The following PLEC variants were observed in gnomAD, a reference collection of about 807,000 sequenced individuals.
PLEC encodes the protein plectin.
Under a neutral mutation model 392.8 loss-of-function variants are expected in PLEC, and 216 were observed. The observed-to-expected ratio is 0.55, with a 90% CI of 0.49 to 0.62. PLEC has a LOEUF of 0.62. Ranked by LOEUF, PLEC falls within the 20% of genes least tolerant of loss-of-function variation. The pLI, the probability that PLEC is intolerant of heterozygous loss-of-function variation, is 0.00. For missense variants in PLEC, 6,863 were observed against 6,563.4 expected (o/e 1.05, Z -1.58); for synonymous variants, 3,621 against 2,980.6 (o/e 1.21, Z -7.00).
At chr8:143,972,615 C>T (rs1439452744) in intron 1 of PLEC, among the ~76,000 whole-genome samples, 2 of 152,290 alleles carry the variant, frequency 1.3e-5, no homozygotes, top group African/African-American at 2.4e-5. Context: ...GCCCCCACCG[C>T]GACCCTCCCC....
chr8:143,942,486 C>T (rs782222655), upstream of PLEC: 12 of 1,592,508 alleles, frequency 7.5e-6, no homozygotes, highest in Non-Finnish European at 1.0e-5. Flanking sequence ...CCTCCCTCGG[C>T]GAGGCAAAGG....
Position 143,931,975 on chromosome 8 carries a change from T to C in PLEC, c.2140A>G (p.Ile714Val), listed in dbSNP as rs189137260. 3.4e-4 allele frequency: 549 copies of C among 1,608,022 alleles called. 4 individuals are homozygous for C. In the East Asian group the frequency reaches 0.01, roughly 30 times the overall value. The change falls in exon 18 of 32, where the codon ATC (isoleucine) becomes GTC (valine). Residue 714 changes from isoleucine to valine, a missense_variant. Transcript: ENST00000345136. ...GCGTTCTCCTTCAGGTGTGCCTCGA[T>C]ACAGCAGCACAGCTGTAGCATCCAG... ...WSWMLQLCCC[I>V]EAHLKENAAY... is the part of the protein sequence containing the mutation.
chr8:143,927,734 G>A lies in PLEC; in HGVS notation c.3432C>T (p.Pro1144=). The A allele has an allele frequency of 6.3e-7, 1 of 1,597,186 alleles. No homozygotes were observed. Among genetic ancestry groups the A allele is most frequent in the Non-Finnish European group, 8.5e-7 (1 of 1,171,278 alleles). The change falls in exon 27 of 32, where the codon CCC becomes CCT. Residue 1144 remains proline, a synonymous_variant. Coordinates refer to ENST00000345136, the MANE Select transcript of PLEC (RefSeq NM_201384.3). ...GCTCATCCCGCAGGGCGTCGAACGT[G>A]GGCTGCTGTGCCTCGGCCTGGGCCC... is the stretch of plus-strand genomic sequence containing the variant. ...KLRAQAEAQQ[P]TFDALRDELR...
chr8:143,929,499 C>T lies in PLEC; in HGVS notation c.2996G>A (p.Cys999Tyr), dbSNP rs200086907. The change falls in exon 24 of 32, where the codon TGT becomes TAT. Residue 999 changes from cysteine (C) to tyrosine (Y), a missense_variant. Coordinates refer to ENST00000345136, the MANE Select transcript of PLEC (RefSeq NM_201384.3). ...CAGGCGGTGCACGGTGCGCGTCTCA[C>T]AGGCCTCCAGCTGCAGCCGGATGTC... Reference protein sequence around the residue: ...LKDIRLQLEACETRTVHRLRL... With the variant: ...LKDIRLQLEAYETRTVHRLRL... 81 of 1,611,696 alleles carry T rather than the reference C, an allele frequency of 5.0e-5. No individual in the cohort carries two copies. Among genetic ancestry groups the T allele is most frequent in the Admixed American group, 1.5e-4 (9 of 59,956 alleles).
chr8:143,939,286 G>A (rs1829928015), intron 1 of PLEC, 64 bp downstream of exon 1: 1 of 1,560,556 alleles, frequency 6.4e-7, no homozygotes, highest in African/African-American at 1.4e-5. Flanking sequence ...GCCACAGGAA[G>A]TGGGCCTTCC....
At chr8:143,946,760 C>T (rs1210594770) in intron 1 of PLEC, among the ~76,000 whole-genome samples, 1 of 135,824 alleles carries the variant, frequency 7.4e-6, no homozygotes, top group Non-Finnish European at 1.6e-5. Flanking sequence ...TGCCCTCCCA[C>T]CCTCCCACCC....
At chr8:143,971,101 G>A (rs1265870507) in intron 1 of PLEC, among the ~76,000 whole-genome samples, 1 of 152,220 alleles carries the variant, frequency 6.6e-6, no homozygotes, top group Non-Finnish European at 1.5e-5. Flanking sequence ...GGGATTTCCA[G>A]GGGAGAGCCA....
Position 143,917,388 on chromosome 8 carries a change from C to T in PLEC, c.12433G>A (p.Asp4145Asn), listed in dbSNP as rs782488790. The T allele has an allele frequency of 6.2e-7, 1 of 1,611,970 alleles. No homozygotes were observed. The highest frequency in any genetic ancestry group is 2.2e-5 in the East Asian group (1 of 44,872). ...GACATCTCCTTGCCCGTCTCGGGGT[C>T]CACGATGACCACTCGGCGCTTGCGC... ...SVRKRRVVIVDPETGKEMSVY... is the reference protein window; with the variant it reads ...SVRKRRVVIVNPETGKEMSVY... Residue 4145 changes from aspartate (D) to asparagine (N), a missense_variant, in exon 32 of 32, where the codon GAC becomes AAC. By Grantham distance (23) the Asp-to-Asn change is conservative. Coordinates refer to ENST00000345136, the MANE Select transcript of PLEC (RefSeq NM_201384.3).
At position 143,921,672 on chromosome 8, in the gene PLEC, G is replaced by T. The variant is rs1554686620; in HGVS notation, c.8149C>A (p.Gln2717Lys). ...NEKLSVYAAL[Q>K]RQLLSPGTAL... The stretch of plus-strand genomic sequence containing the variant: ...GTGCCGGGACTCAGCAGCTGCCTCT[G>T]CAGGGCGGCGTAAACACTCAGCTTC... Residue 2717 changes from glutamine (Q) to lysine (K), a missense_variant, in exon 32 of 32, where the codon CAG becomes AAG. Physicochemically the swap from Gln to Lys is moderately conservative, Grantham distance 53. Coordinates refer to ENST00000345136, the MANE Select transcript of PLEC (RefSeq NM_201384.3). 1 of 1,613,184 alleles carries T rather than the reference G, an allele frequency of 6.2e-7. No individual in the cohort carries two copies. The highest frequency in any genetic ancestry group is 2.2e-5 in the East Asian group (1 of 44,882).
chr8:143,923,651 G>A lies in PLEC; in HGVS notation c.6278C>T (p.Ala2093Val), dbSNP rs782190474. The A allele has an allele frequency of 1.4e-4, 214 of 1,570,380 alleles. No homozygotes were observed. Among genetic ancestry groups the A allele is most frequent in the Non-Finnish European group, 1.6e-4 (186 of 1,165,838 alleles). The change falls in exon 31 of 32, where the codon GCG becomes GTG. Residue 2093 changes from alanine to valine, a missense_variant. Transcript: ENST00000345136. ...CTCCGCCTGCACCCGGGCCTCCTCC[G>A]CCTCCTCAGCCGCCCGCCGGGCCGC... ...AEAARRAAEE[A>V]EEARVQAERE...
upstream of PLEC, among the ~76,000 whole-genome samples, chr8:143,976,433 A>C (rs1046250245): frequency 5.3e-5 from 8 of 151,748 alleles, no homozygotes; most frequent in East Asian, 1.6e-3. Context: ...TGGCTTCTCC[A>C]CGGGCCGCCC....
At chr8:143,953,194 C>A (rs1259257427), upstream of PLEC, among the ~76,000 whole-genome samples, 4 of 151,122 alleles carry the variant, frequency 2.6e-5, no homozygotes, top group African/African-American at 7.3e-5. Context: ...CTTCTCCCCC[C>A]ACTCCAGACC....
At chr8:143,954,663 G>T (rs535594846), upstream of PLEC, among the ~76,000 whole-genome samples, 1 of 152,208 alleles carries the variant, frequency 6.6e-6, no homozygotes, top group Non-Finnish European at 1.5e-5. This position sits in a 1 kb window ranked among gnomAD's most constrained non-coding sequence, Gnocchi z 4.6. Context: ...CACTGCGCAC[G>T]CCTGGGGGAG....
intron 1 of PLEC, among the ~76,000 whole-genome samples, chr8:143,949,625 G>A (rs980881323): frequency 6.6e-6 from 1 of 152,216 alleles, no homozygotes; most frequent in African/African-American, 2.4e-5. Context: ...CCTGGACCCT[G>A]CGCTTCTCCC....
At position 143,917,741 on chromosome 8, in the gene PLEC, TGGAAGA is replaced by T; in HGVS notation, c.12074_12079del (p.Leu4025_Phe4026del). ...CAGGATCAGGCCCTTCTTCATGGCC[TGGAAGA>T]GGGAGATGAGCTTCCCAGAGTAGGG... On this transcript the variant is annotated inframe_deletion, in exon 32 of 32. Transcript: ENST00000345136. 1 of 1,613,574 alleles carries T rather than the reference TGGAAGA, an allele frequency of 6.2e-7. No individual in the cohort carries two copies. Among genetic ancestry groups the T allele is most frequent in the Non-Finnish European group, 8.5e-7 (1 of 1,179,998 alleles).
chr8:143,919,501 G>A lies in PLEC; in HGVS notation c.10320C>T (p.Tyr3440=), dbSNP rs1421994404. The A allele has an allele frequency of 1.2e-6, 2 of 1,612,860 alleles. No individual in the cohort carries two copies. The highest frequency in any genetic ancestry group is 1.7e-6 in the Non-Finnish European group (2 of 1,179,896). The change falls in exon 32 of 32, where the codon TAC becomes TAT. Residue 3440 remains tyrosine (Y), a synonymous_variant. Transcript: ENST00000345136. ...GGAAGAGGGAGATGGTGCTGCCCGAGTAGGGGTCTCTGTAGCCGGTGACGG... is the reference window on the plus strand; with the variant it reads ...GGAAGAGGGAGATGGTGCTGCCCGAATAGGGGTCTCTGTAGCCGGTGACGG... ...EKAVTGYRDP[Y]SGSTISLFQA...
chr8:143,948,658 G>A lies in PLEC; in HGVS notation c.523+1526C>T, dbSNP rs192997410. ...TTGGGGGGACTGAGTCACCTCCATC[G>A]GGGAGGGGTGCCCTCCGCTCTGCCT... is the stretch of plus-strand genomic sequence containing the variant. On this transcript the variant is annotated intron_variant, in intron 1 of 31. Transcript: ENST00000322810. 4.6e-5 allele frequency among the ~76,000 whole-genome samples: 7 copies of A among 152,320 alleles called. No individual in the cohort carries two copies. The East Asian group carries it at 5.8e-4, about 13-fold the overall frequency.
In PLEC at chr8:143,917,235, C is replaced by T. The variant is rs373492441; in HGVS notation, c.12586G>A (p.Asp4196Asn). ...TCGTACTGGCGCCCGGAGCGGCGGT[C>T]GATGATCATGGACTTGACCACGCCG... is the stretch of plus-strand genomic sequence containing the variant. ...SDGVVKSMIIDRRSGRQYDID... is the reference protein window; with the variant it reads ...SDGVVKSMIINRRSGRQYDID... Residue 4196 changes from aspartate to asparagine, a missense_variant, in exon 32 of 32, where the codon GAC becomes AAC. Asp to Asn is a conservative substitution (Grantham distance 23, BLOSUM62 1). Transcript: ENST00000345136. 25 of 1,612,626 alleles carry T rather than the reference C, an allele frequency of 1.6e-5. No homozygotes were observed. The highest frequency in any genetic ancestry group is 2.1e-5 in the Non-Finnish European group (25 of 1,179,834).
rs565993927 is a variant in PLEC, at chr8:143,933,072, G to T, written c.1458C>A (p.Thr486=). 1.3e-6 allele frequency: 2 copies of T among 1,589,890 alleles called. No individual in the cohort carries two copies. The highest frequency in any genetic ancestry group is 2.3e-5 in the South Asian group (2 of 88,588). Residue 486 remains threonine (T), a synonymous_variant, in exon 14 of 32, where the codon ACC becomes ACA. Coordinates refer to ENST00000345136, the MANE Select transcript of PLEC (RefSeq NM_201384.3). ...RLHERLVAIR[T]EYNLRLKAGV... is the part of the protein sequence containing the mutation. ...CTGCCTTCAGCCGTAGGTTGTACTC[G>T]GTGCGGATGGCTACCAGGCGCTCGT...
Sources: allele counts gnomAD v4.1 joint callset (sites outside exome capture counted in the v4.1 genomes callset), GRCh38; gene constraint gnomAD v4.1.1; non-coding constraint Gnocchi (gnomAD v3.1); transcripts MANE v1.5; gene names NCBI Gene and HGNC (gene_info 2026-07-23, HGNC 2026-07-21).